G2E3: variants seen among roughly 807,000 people sequenced by gnomAD.
The protein encoded by G2E3 is G2/M phase-specific E3 ubiquitin-protein ligase.
A neutral mutation model predicts 92.8 loss-of-function variants in G2E3; 35 were observed. That is an observed-to-expected ratio of 0.38 (90% CI 0.29 to 0.50). G2E3 has a LOEUF of 0.50. Among genes scored for constraint, G2E3 ranks in the 20% least tolerant of loss-of-function variants. The pLI is 0.94. For missense variants in G2E3, 554 were observed against 823.8 expected (o/e 0.67, Z 4.01); for synonymous variants, 242 against 272.4 (o/e 0.89, Z 1.10).
At chr14:30,594,641 C>T (rs567449796) in intron 6 of G2E3, among the ~76,000 whole-genome samples, 2 of 151,238 alleles carry the variant, frequency 1.3e-5, no homozygotes, top group Non-Finnish European at 1.5e-5. Context: ...TGCACTGAGC[C>T]AAGATGGCAC....
Position 30,616,681 on chromosome 14 carries a change from A to C in G2E3, c.*147A>C, listed in dbSNP as rs1176641067. 1.7e-6 allele frequency: 1 copy of C among 601,530 alleles called. No individual in the cohort carries two copies. The highest frequency in any genetic ancestry group is 1.9e-5 in the African/African-American group (1 of 51,714). 37.3% of individuals were successfully genotyped at this position (601,530 alleles called of 1,614,324 possible). ...TATGATATGAATATAAAGGAATATT[A>C]TAGCCACTTAGGCTAAAAAAAGGTT... On this transcript the variant is annotated 3_prime_UTR_variant, in exon 15 of 15. Transcript: ENST00000206595.
chr14:30,566,330 T>G (rs1426746323), intron 1 of G2E3, among the ~76,000 whole-genome samples: 1 of 152,180 alleles, frequency 6.6e-6, no homozygotes, highest in Non-Finnish European at 1.5e-5. Context: ...ATAAATTGCT[T>G]TGGGGAGTAT....
intron 2 of G2E3, among the ~76,000 whole-genome samples, chr14:30,584,435 A>T (rs1233722922): frequency 6.6e-6 from 1 of 152,194 alleles, no homozygotes; most frequent in African/African-American, 2.4e-5. Context: ...CTTTGTTTAA[A>T]TTTTGAAGAA....
chr14:30,596,925 C>T (rs1007659139), intron 6 of G2E3, among the ~76,000 whole-genome samples: 3 of 152,154 alleles, frequency 2.0e-5, no homozygotes, highest in African/African-American at 7.2e-5. Flanking sequence ...TCTGAGTACC[C>T]TCTGTCTGGT....
In G2E3 at chr14:30,589,375, A is replaced by T. The variant is rs763015379; in HGVS notation, c.136-8A>T. 6.7e-7 allele frequency: 1 copy of T among 1,489,402 alleles called. No homozygotes were observed. The highest frequency in any genetic ancestry group is 9.4e-7 in the Non-Finnish European group (1 of 1,067,660). The allele number at this position is 1,489,402 out of a possible 1,614,324, so 92.3% of individuals were successfully genotyped here. A position where few individuals can be genotyped will look rare whatever the true frequency, so the allele number is the denominator to read the frequency against. ...GAGTTTATTTTCTAATTGAGAATAT[A>T]TTCATAGTTGATGTCAAGTGGAATT... On this transcript the variant is annotated splice_polypyrimidine_tract_variant and splice_region_variant and intron_variant, in intron 3 of 14. Coordinates refer to ENST00000206595, the MANE Select transcript of G2E3 (RefSeq NM_017769.5).
chr14:30,599,288 C>T (rs992759156), intron 8 of G2E3, among the ~76,000 whole-genome samples: 3 of 152,140 alleles, frequency 2.0e-5, no homozygotes, highest in Non-Finnish European at 4.4e-5. Flanking sequence ...AGTACAGTGG[C>T]ATGATCTCAG....
chr14:30,616,218 C>T, intron 14 of G2E3, 60 bp from the exon 15 acceptor site: 1 of 1,051,546 alleles, frequency 9.5e-7, no homozygotes, highest in Non-Finnish European at 1.5e-6. Flanking sequence ...ATGATGATAG[C>T]AATATATAAC....
intron 2 of G2E3, among the ~76,000 whole-genome samples, chr14:30,585,735 A>G (rs894824845): frequency 1.3e-5 from 2 of 149,730 alleles, no homozygotes; most frequent in Non-Finnish European, 3.0e-5. Context: ...TTCTTCTGCT[A>G]GCTTTGGGTT....
intron 10 of G2E3, among the ~76,000 whole-genome samples, chr14:30,604,903 CATTCATTT>C (rs1566548515): frequency 6.8e-6 from 1 of 146,766 alleles, no homozygotes; most frequent in African/African-American, 2.7e-5. Context: ...TTCATTCATT[CATTCATTT>C]ATGAGACGGA....
chr14:30,565,675 T>G (rs1157873183), intron 1 of G2E3, among the ~76,000 whole-genome samples: 1 of 116,584 alleles, frequency 8.6e-6, no homozygotes, highest in Non-Finnish European at 1.8e-5. Flanking sequence ...TTTTTTTTTT[T>G]TTTTGAGATG....
At chr14:30,590,757 T>C in intron 4 of G2E3, 1 of 455,670 alleles carries the variant, frequency 2.2e-6, no homozygotes, top group Non-Finnish European at 4.4e-6. Context: ...ACGTGAGATG[T>C]TAAACGTGAG....
intron 12 of G2E3, 110 bp from the exon 13 acceptor site, chr14:30,612,097 C>T: frequency 1.5e-5 from 10 of 675,142 alleles, no homozygotes; most frequent in Non-Finnish European, 2.3e-5. Context: ...ACTTTTACTG[C>T]ACCCATATGT....
At chr14:30,573,141 C>A (rs977993233) in intron 1 of G2E3, among the ~76,000 whole-genome samples, 17 of 151,846 alleles carry the variant, frequency 1.1e-4, no homozygotes, top group Admixed American at 1.1e-3. Flanking sequence ...CTTTTATGTA[C>A]ATTTTTAAGA....
chr14:30,607,279 G>A (rs1881874089), intron 11 of G2E3, among the ~76,000 whole-genome samples: 4 of 152,064 alleles, frequency 2.6e-5, no homozygotes, highest in Admixed American at 2.6e-4. Context: ...TAGTAACAGG[G>A]ATATGTTCTG....
chr14:30,600,477 A>G (rs1044925085), intron 8 of G2E3, among the ~76,000 whole-genome samples: 3 of 152,236 alleles, frequency 2.0e-5, no homozygotes, highest in Admixed American at 6.5e-5. Flanking sequence ...CACCAATAAT[A>G]TCTCCCTCAA....
chr14:30,586,299 G>A (rs941864848), intron 2 of G2E3, among the ~76,000 whole-genome samples: 1 of 152,166 alleles, frequency 6.6e-6, no homozygotes, highest in African/African-American at 2.4e-5. Flanking sequence ...GTGGGGAATG[G>A]TAGGTGGGTA....
chr14:30,584,216 T>C (rs1384280306), intron 2 of G2E3, among the ~76,000 whole-genome samples: 1 of 152,270 alleles, frequency 6.6e-6, no homozygotes, highest in Non-Finnish European at 1.5e-5. Context: ...TTTCATCCTT[T>C]TTATTGCTGA....
chr14:30,576,730 G>A (rs963327802), intron 1 of G2E3, among the ~76,000 whole-genome samples: 1 of 152,136 alleles, frequency 6.6e-6, no homozygotes, highest in African/African-American at 2.4e-5. Flanking sequence ...GGAATTTAGA[G>A]TACATCGAAT....
intron 3 of G2E3, among the ~76,000 whole-genome samples, chr14:30,587,790 C>G (rs747889987): frequency 6.6e-6 from 1 of 151,852 alleles, no homozygotes; most frequent in Non-Finnish European, 1.5e-5. Context: ...ATGAGAGAGA[C>G]AGAGAGAGAG....
Sources: gnomAD v4.1 joint callset for allele counts (sites outside exome capture counted in the v4.1 genomes callset) on GRCh38, gnomAD v4.1.1 for gene constraint, MANE v1.5 for transcripts, NCBI Gene and HGNC (gene_info 2026-07-23, HGNC 2026-07-21) for gene names.